FYN: variants seen among roughly 807,000 people sequenced by gnomAD.
FYN encodes the protein tyrosine-protein kinase Fyn.
FYN carries 10 observed loss-of-function variants against 70.2 expected under a neutral mutation model. That is an observed-to-expected ratio of 0.14 (90% CI 0.09 to 0.24). FYN has a LOEUF of 0.24. Among genes scored for constraint, FYN ranks in the 10% least tolerant of loss-of-function variants. The pLI, the probability that FYN is intolerant of heterozygous loss-of-function variation, is 1.00. For missense variants in FYN, 319 were observed against 673.1 expected (o/e 0.47, Z 5.82); for synonymous variants, 236 against 248.6 (o/e 0.95, Z 0.48).
At chr6:111,849,646 G>A (rs1773630976) in intron 1 of FYN, among the ~76,000 whole-genome samples, 1 of 152,156 alleles carries the variant, frequency 6.6e-6, no homozygotes, top group Non-Finnish European at 1.5e-5. Context: ...AAGGCAGCCA[G>A]AAGTAGCACT....
intron 2 of FYN, among the ~76,000 whole-genome samples, chr6:111,814,524 A>G (rs1265320201): frequency 6.6e-6 from 1 of 152,180 alleles, no homozygotes; most frequent in African/African-American, 2.4e-5. Context: ...AGTTGGAAAT[A>G]ATGAAGAATC....
intron 3 of FYN, among the ~76,000 whole-genome samples, chr6:111,727,372 G>A (rs756013603): frequency 4.6e-5 from 7 of 152,136 alleles, no homozygotes; most frequent in Non-Finnish European, 8.8e-5. Flanking sequence ...CTTTCCTATT[G>A]CACTTAAAAT....
intron 3 of FYN, among the ~76,000 whole-genome samples, chr6:111,758,078 GT>G (rs1299319991): frequency 6.6e-6 from 1 of 152,142 alleles, no homozygotes; most frequent in Non-Finnish European, 1.5e-5. Context: ...TTCTGATGTT[GT>G]TTTTAAAAAT....
intron 2 of FYN, among the ~76,000 whole-genome samples, chr6:111,837,830 C>G (rs1773236104): frequency 6.6e-6 from 1 of 152,206 alleles, no homozygotes; most frequent in Non-Finnish European, 1.5e-5. Context: ...CATGTTCCAC[C>G]CTGAAACCAT....
intron 3 of FYN, among the ~76,000 whole-genome samples, chr6:111,754,241 A>G (rs932217613): frequency 8.5e-5 from 13 of 152,116 alleles, no homozygotes; most frequent in Admixed American, 5.9e-4. Flanking sequence ...CTGGGCCCCA[A>G]GTTGGGGTTT....
At chr6:111,809,115 G>A (rs760490360) in intron 2 of FYN, among the ~76,000 whole-genome samples, 5 of 152,086 alleles carry the variant, frequency 3.3e-5, no homozygotes, top group Admixed American at 2.0e-4. Context: ...CCATACTCAT[G>A]GCCTATAGCA....
intron 3 of FYN, among the ~76,000 whole-genome samples, chr6:111,731,852 AG>A (rs1370010973): frequency 6.6e-6 from 1 of 152,156 alleles, no homozygotes; most frequent in African/African-American, 2.4e-5. Flanking sequence ...ACCCTGGGTG[AG>A]CCCAGGGTGG....
intron 1 of FYN, among the ~76,000 whole-genome samples, chr6:111,869,971 C>T (rs567529263): frequency 6.6e-6 from 1 of 152,230 alleles, no homozygotes; most frequent in South Asian, 2.1e-4. Context: ...GACGGGTGTC[C>T]GCTCTAGGTT....
intron 1 of FYN, among the ~76,000 whole-genome samples, chr6:111,853,414 T>C (rs1030345614): frequency 3.3e-5 from 5 of 151,758 alleles, no homozygotes; most frequent in South Asian, 4.1e-4. Context: ...AGAAAATACA[T>C]TGTGCAACTC....
At chr6:111,703,834 C>A (rs935546605) in intron 7 of FYN, among the ~76,000 whole-genome samples, 165 bp downstream of exon 7, 1 of 152,128 alleles carries the variant, frequency 6.6e-6, no homozygotes, top group Non-Finnish European at 1.5e-5. Context: ...GTGCTGTCTG[C>A]AGTTTTAGAG....
chr6:111,691,884 C>T (rs1042672690), intron 12 of FYN, among the ~76,000 whole-genome samples: 2 of 152,192 alleles, frequency 1.3e-5, no homozygotes, highest in Non-Finnish European at 2.9e-5. Context: ...CAAATCCTGG[C>T]TCTGCTATTT....
chr6:111,738,480 A>C (rs1306149078), intron 3 of FYN, among the ~76,000 whole-genome samples: 2 of 152,186 alleles, frequency 1.3e-5, no homozygotes, highest in Non-Finnish European at 2.9e-5. Context: ...GAGAGGGGTA[A>C]TGGGGAATTG....
intron 4 of FYN, among the ~76,000 whole-genome samples, chr6:111,717,879 C>A (rs1038994067): frequency 6.6e-6 from 1 of 152,192 alleles, no homozygotes; most frequent in South Asian, 2.1e-4. Context: ...TCTTTCTGCC[C>A]CATCCCAAGT....
intron 2 of FYN, among the ~76,000 whole-genome samples, chr6:111,843,011 G>A (rs929020630): frequency 3.9e-5 from 6 of 152,044 alleles, no homozygotes; most frequent in Admixed American, 1.3e-4. Flanking sequence ...TTTTTGTTTC[G>A]GAAGGCCTCT....
chr6:111,824,623 CTG>C (rs1351463019), intron 2 of FYN, among the ~76,000 whole-genome samples: 3 of 152,190 alleles, frequency 2.0e-5, no homozygotes, highest in Non-Finnish European at 2.9e-5. Flanking sequence ...TGTGCTCACT[CTG>C]TCTCATCTAT....
chr6:111,721,706 C>T lies in FYN; in HGVS notation c.-11-1644G>A, dbSNP rs545662491. On this transcript the variant is annotated intron_variant, in intron 3 of 13. Transcript: ENST00000354650. ...AGGCGTGAACCACCGTGACAGGCCC[C>T]TCCTGTGACTTTTATCAGCAGTGTA... 7.2e-5 allele frequency among the ~76,000 whole-genome samples: 11 copies of T among 152,234 alleles called. No homozygotes were observed. The South Asian group carries it at 1.5e-3, about 20-fold the overall frequency.
intron 3 of FYN, among the ~76,000 whole-genome samples, chr6:111,740,657 A>G (rs1022496254): frequency 6.6e-6 from 1 of 152,090 alleles, no homozygotes; most frequent in African/African-American, 2.4e-5. Context: ...GTCTAGCCCC[A>G]TCTTCTGTGG....
At chr6:111,831,517 T>C (rs1357176922) in intron 2 of FYN, among the ~76,000 whole-genome samples, 1 of 152,192 alleles carries the variant, frequency 6.6e-6, no homozygotes, top group East Asian at 1.9e-4. Context: ...AAATCTGTAA[T>C]ATTCAAGGAC....
chr6:111,681,450 C>A (rs1442186090), intron 12 of FYN, among the ~76,000 whole-genome samples: 1 of 152,144 alleles, frequency 6.6e-6, no homozygotes, highest in Non-Finnish European at 1.5e-5. Flanking sequence ...TGTGAGCCAC[C>A]GTGCCTGACC....
Sources: allele counts gnomAD v4.1 joint callset (sites outside exome capture counted in the v4.1 genomes callset), GRCh38; gene constraint gnomAD v4.1.1; transcripts MANE v1.5; gene names NCBI Gene and HGNC (gene_info 2026-07-23, HGNC 2026-07-21).